Variants in ZNF236 observed in about 807,000 individuals in gnomAD.
The protein encoded by ZNF236 is zinc finger protein 236.
A neutral mutation model predicts 191.2 loss-of-function variants in ZNF236; 50 were observed. The observed-to-expected ratio is 0.26, with a 90% CI of 0.21 to 0.33. The LOEUF is 0.33. Among genes scored for constraint, ZNF236 ranks in the 10% least tolerant of loss-of-function variants. The pLI is 1.00. For missense variants in ZNF236, 1,754 were observed against 2,374.5 expected, an observed-to-expected ratio of 0.74 and a Z score of 5.43; for synonymous variants, 907 against 928.8, an observed-to-expected ratio of 0.98 and a Z score of 0.43.
At chr18:76,964,982 A>G (rs1427447781) in intron 30 of ZNF236, among the ~76,000 whole-genome samples, 1 of 152,102 alleles carries the variant, frequency 6.6e-6, no homozygotes, top group Non-Finnish European at 1.5e-5. Flanking sequence ...ATGTTTTCCA[A>G]ACTTTTAGAT....
chr18:76,970,375 G>T lies in ZNF236; in HGVS notation c.*2036G>T, dbSNP rs953123867. 1.3e-5 allele frequency: 2 copies of T among 152,326 alleles called. No homozygotes were observed. The highest frequency in any genetic ancestry group is 4.8e-5 in the African/African-American group (2 of 41,354). 9.4% of individuals were successfully genotyped at this position (152,326 alleles called of 1,614,324 possible). ...TGAATCTAGAGCCTACTTTTATTTT[G>T]GTTAAAGAAAAAGAAAATATCAATA... On this transcript the variant is annotated 3_prime_UTR_variant, in exon 31 of 31. Coordinates refer to ENST00000320610, the MANE Select transcript of ZNF236 (RefSeq NM_001306089.2).
At chr18:76,951,112 A>G (rs1003117012) in intron 27 of ZNF236, among the ~76,000 whole-genome samples, 1 of 152,258 alleles carries the variant, frequency 6.6e-6, no homozygotes, top group African/African-American at 2.4e-5. Flanking sequence ...TGTAGAGCAC[A>G]GAAAGAATGG....
In ZNF236 at chr18:76,937,247, C is replaced by T. The variant is rs932229204; in HGVS notation, c.4686C>T (p.Gly1562=). The T allele has an allele frequency of 4.3e-6, 7 of 1,614,002 alleles. No homozygotes were observed. The highest frequency in any genetic ancestry group is 2.7e-5 in the African/African-American group (2 of 74,898). Residue 1562 remains glycine, a synonymous_variant, in exon 26 of 31, where the codon GGC becomes GGT. Coordinates refer to ENST00000320610, the MANE Select transcript of ZNF236 (RefSeq NM_001306089.2). ...AGAACCTGGTCATGTCCTCGTCGGGCGTGGGAGGTGACGCTAGTGTCACGC... is the reference window on the plus strand; with the variant it reads ...AGAACCTGGTCATGTCCTCGTCGGGTGTGGGAGGTGACGCTAGTGTCACGC... ...STQNLVMSSS[G]VGGDASVTLT... is the part of the protein sequence containing the mutation.
intron 28 of ZNF236, among the ~76,000 whole-genome samples, chr18:76,956,729 G>A (rs1292711019): frequency 6.6e-6 from 1 of 152,214 alleles, no homozygotes; most frequent in Non-Finnish European, 1.5e-5. Context: ...ATGAGTTCTG[G>A]GACATCCCCA....
rs149900023 is a variant in ZNF236 at position 76,871,751 on chromosome 18, C to T, written c.593C>T (p.Thr198Met). Residue 198 changes from threonine to methionine, a missense_variant, in exon 5 of 31, where the codon ACG becomes ATG. Physicochemically the swap from Thr to Met is moderately conservative, Grantham distance 81. Transcript: ENST00000320610. Reference protein sequence around the residue: ...YNRNIDRSGFTYSCPHCGKTF... With the variant: ...YNRNIDRSGFMYSCPHCGKTF... ...CGGAATATCGACAGAAGTGGATTCA[C>T]GTATTCGTGTCCGCACTGTGGAAAG... 60 of 1,614,190 alleles carry T rather than the reference C, an allele frequency of 3.7e-5. No homozygotes were observed. Among genetic ancestry groups the T allele is most frequent in the Non-Finnish European group, 4.4e-5 (52 of 1,180,036 alleles).
At chr18:76,894,525 A>G (rs1444861824) in intron 9 of ZNF236, among the ~76,000 whole-genome samples, 2 of 152,214 alleles carry the variant, frequency 1.3e-5, no homozygotes, top group Admixed American at 6.5e-5. Context: ...ATATTTTATC[A>G]TGAATTGATA....
At chr18:76,888,173 C>T (rs1350633920) in intron 9 of ZNF236, among the ~76,000 whole-genome samples, 1 of 152,096 alleles carries the variant, frequency 6.6e-6, no homozygotes, top group African/African-American at 2.4e-5. Flanking sequence ...AGATCGAGAC[C>T]ATCCTGGCTA....
intron 10 of ZNF236, among the ~76,000 whole-genome samples, chr18:76,896,086 C>T (rs943751990): frequency 6.6e-6 from 1 of 151,722 alleles, no homozygotes; most frequent in Non-Finnish European, 1.5e-5. Context: ...GTACTAAATA[C>T]AGGTACCGCA....
intron 1 of ZNF236, among the ~76,000 whole-genome samples, chr18:76,847,746 G>A (rs1975737999): frequency 6.6e-6 from 1 of 152,198 alleles, no homozygotes; most frequent in Admixed American, 6.5e-5. Context: ...AAAGTGCTGG[G>A]ACTACAGGCG....
intron 26 of ZNF236, among the ~76,000 whole-genome samples, chr18:76,938,515 A>G (rs2037564552): frequency 6.6e-6 from 1 of 152,218 alleles, no homozygotes; most frequent in Non-Finnish European, 1.5e-5. Flanking sequence ...TAACACTATT[A>G]CAACCACTTG....
intron 5 of ZNF236, among the ~76,000 whole-genome samples, chr18:76,874,145 A>C (rs1023044126): frequency 2.0e-5 from 3 of 151,870 alleles, no homozygotes; most frequent in East Asian, 3.9e-4. Flanking sequence ...ACCGGGCCAC[A>C]CTCTCACTGT....
intron 20 of ZNF236, among the ~76,000 whole-genome samples, chr18:76,922,641 C>T (rs1444017359): frequency 6.6e-6 from 1 of 151,788 alleles, no homozygotes; most frequent in Non-Finnish European, 1.5e-5. Context: ...ACTGCAACCT[C>T]TGCCTCCTGG....
chr18:76,937,401 ATTAT>A, intron 26 of ZNF236, 58 bp downstream of exon 26: 2 of 1,418,756 alleles, frequency 1.4e-6, no homozygotes, highest in Non-Finnish European at 1.9e-6. Flanking sequence ...CTTTGAAAAC[ATTAT>A]TCATTGACTC....
chr18:76,852,049 A>G, intron 3 of ZNF236, 110 bp downstream of exon 3: 1 of 1,134,416 alleles, frequency 8.8e-7, no homozygotes, highest in East Asian at 2.6e-5. Flanking sequence ...TTTTGTGTAG[A>G]TTTCAAGGAG....
At chr18:76,943,203 C>A (rs530825457) in intron 26 of ZNF236, among the ~76,000 whole-genome samples, 1 of 151,356 alleles carries the variant, frequency 6.6e-6, no homozygotes, top group African/African-American at 2.4e-5. Flanking sequence ...TTTATAAGTC[C>A]ATAATTCTAA....
intron 26 of ZNF236, among the ~76,000 whole-genome samples, chr18:76,944,600 G>A (rs1296399022): frequency 1.3e-5 from 2 of 152,088 alleles, no homozygotes; most frequent in Non-Finnish European, 2.9e-5. Flanking sequence ...GGCCAACACG[G>A]TGAAACCCCG....
Position 76,910,780 on chromosome 18 carries a change from T to C in ZNF236, c.2774T>C (p.Leu925Pro). Residue 925 changes from leucine to proline, a missense_variant, in exon 16 of 31, where the codon CTG (leucine) becomes CCG (proline). Around this residue, in one of 5 missense-constraint regions of ZNF236, gnomAD observed 641 missense variants for 869.6 expected, o/e 0.74. Transcript: ENST00000320610. ...ACAAGCTTCCACCAGCAGAGCTTGC[T>C]GCAGGCTCCCAGCTCTGATGGGATG... ...LSTSFHQQSL[L>P]QAPSSDGMNV... is the part of the protein sequence containing the mutation. 1 of 1,614,186 alleles carries C rather than the reference T, an allele frequency of 6.2e-7. No homozygotes were observed. Among genetic ancestry groups the C allele is most frequent in the Non-Finnish European group, 8.5e-7 (1 of 1,180,032 alleles).
At position 76,959,757 on chromosome 18, in the gene ZNF236, CTTGTGAGAA is replaced by C. The variant is rs1968613966; in HGVS notation, c.5184_5192del (p.Cys1729_Lys1731del). 6.2e-7 allele frequency: 1 copy of C among 1,614,022 alleles called. No homozygotes were observed. The highest frequency in any genetic ancestry group is 8.5e-7 in the Non-Finnish European group (1 of 1,180,026). On this transcript the variant is annotated inframe_deletion, in exon 29 of 31. Coordinates refer to ENST00000320610, the MANE Select transcript of ZNF236 (RefSeq NM_001306089.2). ...AAGCCAAGAGTGTTTAAATGTGACA[CTTGTGAGAA>C]GGCATTTGCCAAACCAAGCCAGCTG...
At chr18:76,876,604 A>G (rs1976723377) in intron 6 of ZNF236, among the ~76,000 whole-genome samples, 1 of 152,256 alleles carries the variant, frequency 6.6e-6, no homozygotes, top group Non-Finnish European at 1.5e-5. Context: ...TCACAGTTCC[A>G]TGTTCAATGA....
Sources: allele counts gnomAD v4.1 joint callset (sites outside exome capture counted in the v4.1 genomes callset), GRCh38; gene constraint gnomAD v4.1.1; regional missense constraint gnomAD v4.1.1; transcripts MANE v1.5; gene names NCBI Gene and HGNC (gene_info 2026-07-23, HGNC 2026-07-21).